VAT1L: variants seen among roughly 807,000 people sequenced by gnomAD.
VAT1L encodes vesicle amine transport 1 like, also known as putative NADPH-dependent quinone oxidoreductase VAT1L.
VAT1L carries 34 observed loss-of-function variants against 44.1 expected under a neutral mutation model. That is an observed-to-expected ratio of 0.77 (90% CI 0.59 to 1.03). The LOEUF (loss-of-function observed/expected upper bound fraction) is 1.03, where lower values mean the gene tolerates loss of function less well. Among genes scored for constraint, VAT1L ranks in the 50% least tolerant of loss-of-function variants. The pLI is 0.00. For synonymous variants in VAT1L, 253 were observed against 202.2 expected, an observed-to-expected ratio of 1.25 and a Z score of -2.13; for missense variants, 615 against 538.8, an observed-to-expected ratio of 1.14 and a Z score of -1.40.
At chr16:77,793,493 A>C (rs976712359) in intron 1 of VAT1L, among the ~76,000 whole-genome samples, 1 of 152,174 alleles carries the variant, frequency 6.6e-6, no homozygotes, top group South Asian at 2.1e-4. Context: ...TGCTGCTATC[A>C]GTCTTGTCAC....
chr16:77,838,640 C>G (rs1463601866), intron 3 of VAT1L, among the ~76,000 whole-genome samples: 1 of 151,630 alleles, frequency 6.6e-6, no homozygotes, highest in African/African-American at 2.4e-5. Flanking sequence ...TTCCTGTCTC[C>G]TTCCCTTTCC....
At chr16:77,931,172 A>G (rs1420344507) in intron 7 of VAT1L, among the ~76,000 whole-genome samples, 3 of 152,188 alleles carry the variant, frequency 2.0e-5, no homozygotes, top group African/African-American at 7.2e-5. Context: ...TGACTCTCAG[A>G]AGAAGTTTTA....
chr16:77,821,403 C>T (rs1205362785), intron 2 of VAT1L, among the ~76,000 whole-genome samples: 4 of 151,432 alleles, frequency 2.6e-5, no homozygotes, highest in Non-Finnish European at 4.4e-5. Context: ...CAGGTTCAAG[C>T]GATTCTCCTG....
chr16:77,900,385 T>C (rs1486678098), intron 7 of VAT1L, among the ~76,000 whole-genome samples: 2 of 152,072 alleles, frequency 1.3e-5, no homozygotes, highest in Admixed American at 1.3e-4. Context: ...AACTACAATA[T>C]ACAACATTTA....
chr16:77,927,721 T>C (rs1219326898), intron 7 of VAT1L, among the ~76,000 whole-genome samples: 2 of 151,878 alleles, frequency 1.3e-5, no homozygotes, highest in Non-Finnish European at 2.9e-5. Context: ...ACTAAAAAAT[T>C]AGCCGGGTGT....
intron 4 of VAT1L, among the ~76,000 whole-genome samples, chr16:77,873,178 C>G (rs2017050053): frequency 6.6e-6 from 1 of 152,206 alleles, no homozygotes; most frequent in African/African-American, 2.4e-5. Context: ...AAGTCTTAAA[C>G]TCAGACTGGT....
intron 6 of VAT1L, chr16:77,882,069 G>C (rs1385682382): frequency 6.6e-6 from 1 of 152,206 alleles, no homozygotes; most frequent in Non-Finnish European, 1.5e-5. Flanking sequence ...TGTACCTGGA[G>C]GTCAAGAATG....
intron 1 of VAT1L, among the ~76,000 whole-genome samples, chr16:77,814,207 A>G (rs1264753311): frequency 2.0e-5 from 3 of 152,210 alleles, no homozygotes; most frequent in Non-Finnish European, 4.4e-5. Flanking sequence ...AAAGCTAGCT[A>G]TATCCAAATC....
chr16:77,975,194 CTTT>C (rs35017686), intron 8 of VAT1L, among the ~76,000 whole-genome samples: 660 of 39,764 alleles, frequency 0.017, 12 homozygotes, highest in African/African-American at 0.023. Flanking sequence ...GGAATGACCA[CTTT>C]TTTTTTTTTT....
At chr16:77,909,417 C>A (rs1261615147) in intron 7 of VAT1L, among the ~76,000 whole-genome samples, 2 of 151,864 alleles carry the variant, frequency 1.3e-5, no homozygotes, top group Non-Finnish European at 2.9e-5. Flanking sequence ...CAGGCAGATA[C>A]CTTGAGGTCA....
chr16:77,899,040 A>G (rs977986055), intron 7 of VAT1L, among the ~76,000 whole-genome samples: 11 of 152,222 alleles, frequency 7.2e-5, no homozygotes, highest in African/African-American at 2.4e-4. Flanking sequence ...CAAAGGAGCA[A>G]TCATGGCTAC....
intron 8 of VAT1L, among the ~76,000 whole-genome samples, chr16:77,977,056 CA>C (rs1342410954): frequency 1.3e-5 from 2 of 152,214 alleles, no homozygotes; most frequent in Admixed American, 1.3e-4. Context: ...CCCTGCGCTC[CA>C]GGGGCACCTC....
intron 3 of VAT1L, among the ~76,000 whole-genome samples, chr16:77,841,683 T>C (rs1410982536): frequency 6.6e-6 from 1 of 151,998 alleles, no homozygotes; most frequent in Admixed American, 6.6e-5. Flanking sequence ...GGGAGAAAGG[T>C]GGGGGCTTCC....
At chr16:77,863,060 C>T (rs560370798) in intron 4 of VAT1L, among the ~76,000 whole-genome samples, 170 bp downstream of exon 4, 4 of 152,288 alleles carry the variant, frequency 2.6e-5, no homozygotes, top group Non-Finnish European at 2.9e-5. Flanking sequence ...TCATTTAATC[C>T]TCTTAACCTC....
Position 77,879,169 on chromosome 16 carries a change from G to T in VAT1L, c.827G>T (p.Gly276Val). The change falls in exon 6 of 9, where the codon GGC becomes GTC. Residue 276 changes from glycine to valine, a missense_variant and splice_region_variant. By Grantham distance (109) the Gly-to-Val change is moderately radical. Coordinates refer to ENST00000302536, the MANE Select transcript of VAT1L (RefSeq NM_020927.3). The surrounding 1 kb of genome is among the most constrained non-coding windows in gnomAD (Gnocchi z 4.1). ...LKPLGTYILYGSSNMVTGETK... is the reference protein window; with the variant it reads ...LKPLGTYILYVSSNMVTGETK... ...TAATGTGGGAATCTTTCATTTTCAG[G>T]CTCATCCAACATGGTAACTGGAGAG... The T allele has an allele frequency of 1.2e-6, 2 of 1,614,006 alleles. No individual in the cohort carries two copies. Among genetic ancestry groups the T allele is most frequent in the Non-Finnish European group, 1.7e-6 (2 of 1,179,970 alleles).
intron 3 of VAT1L, among the ~76,000 whole-genome samples, chr16:77,852,463 T>G (rs1410174282): frequency 6.6e-6 from 1 of 152,102 alleles, no homozygotes; most frequent in African/African-American, 2.4e-5. Flanking sequence ...CCAGATCACT[T>G]CACGAACATG....
intron 3 of VAT1L, among the ~76,000 whole-genome samples, chr16:77,848,068 C>T (rs16946645): frequency 0.077 from 11,699 of 152,140 alleles, 685 homozygotes; most frequent in African/African-American, 0.16. Flanking sequence ...GGTGCAGGAA[C>T]GTTGTGGAAA....
At chr16:77,933,704 G>A (rs1208120405) in intron 7 of VAT1L, among the ~76,000 whole-genome samples, 3 of 152,222 alleles carry the variant, frequency 2.0e-5, no homozygotes, top group Non-Finnish European at 4.4e-5. Context: ...GCTGGAAGGA[G>A]GGGGATTAAC....
At chr16:77,933,039 G>A (rs1045057381) in intron 7 of VAT1L, among the ~76,000 whole-genome samples, 3 of 152,188 alleles carry the variant, frequency 2.0e-5, no homozygotes, top group African/African-American at 4.8e-5. Flanking sequence ...GGGAAGTGAA[G>A]TCTTCCTGAG....
Sources: gnomAD v4.1 joint callset for allele counts (sites outside exome capture counted in the v4.1 genomes callset) on GRCh38, gnomAD v4.1.1 for gene constraint, Gnocchi (gnomAD v3.1) non-coding constraint, MANE v1.5 for transcripts, NCBI Gene and HGNC (gene_info 2026-07-23, HGNC 2026-07-21) for gene names.